The following LRRIQ3 variants were observed in gnomAD, a reference collection of about 807,000 sequenced individuals.
LRRIQ3 encodes the protein leucine rich repeats and IQ motif containing 3.
Under a neutral mutation model 59.3 loss-of-function variants are expected in LRRIQ3, and 75 were observed. The ratio of observed to expected loss-of-function variants is 1.26; its 90% confidence interval spans 1.05 to 1.53. The LOEUF (loss-of-function observed/expected upper bound fraction) is 1.53. Ranked by LOEUF, LRRIQ3 falls within the 40% of genes most tolerant of loss-of-function variation. The pLI is 0.00. For synonymous variants in LRRIQ3, 250 were observed against 231.3 expected, an observed-to-expected ratio of 1.08 and a Z score of -0.73; for missense variants, 831 against 710.0, an observed-to-expected ratio of 1.17 and a Z score of -1.94.
At chr1:74,128,868 G>A (rs1646972560) in intron 4 of LRRIQ3, among the ~76,000 whole-genome samples, 3 of 152,050 alleles carry the variant, frequency 2.0e-5, no homozygotes, top group African/African-American at 7.2e-5. Context: ...ATTCATACAG[G>A]TACTTCCACG....
intron 4 of LRRIQ3, chr1:74,144,250 G>A (rs879789329): frequency 6.0e-6 from 1 of 167,322 alleles, no homozygotes; most frequent in East Asian, 1.8e-4. Context: ...TTGACAAGGA[G>A]TCTTATTTGC....
intron 1 of LRRIQ3, among the ~76,000 whole-genome samples, chr1:74,188,546 A>AT (rs1484593148): frequency 6.6e-6 from 1 of 152,158 alleles, no homozygotes; most frequent in East Asian, 1.9e-4. Flanking sequence ...TTGTCTAGTC[A>AT]TTATTTAGAC....
intron 4 of LRRIQ3, among the ~76,000 whole-genome samples, chr1:74,147,240 T>C (rs535533146): frequency 6.6e-6 from 1 of 152,172 alleles, no homozygotes; most frequent in East Asian, 1.9e-4. Flanking sequence ...AAGAAAAGAA[T>C]TGCCTACGAA....
chr1:74,168,805 A>G (rs1649150729), intron 3 of LRRIQ3, among the ~76,000 whole-genome samples: 1 of 152,142 alleles, frequency 6.6e-6, no homozygotes, highest in Non-Finnish European at 1.5e-5. Flanking sequence ...ATAATTATGT[A>G]TGGACATATG....
In LRRIQ3 at chr1:74,176,591, A is replaced by C. The variant is rs184713019; in HGVS notation, c.573+5947T>G. ...TCGAGACTCTGATGACATGAAAGTT[A>C]TATCTTTTATTATAATTCCATGGAT... is the stretch of plus-strand genomic sequence containing the variant. On this transcript the variant is annotated intron_variant, in intron 3 of 7. Transcript: ENST00000354431. Among the ~76,000 whole-genome samples, 650 of 152,148 alleles carry C rather than the reference A, an allele frequency of 4.3e-3. 4 individuals are homozygous for C. Among genetic ancestry groups the C allele is most frequent in the Non-Finnish European group, 4.7e-3 (322 of 68,004 alleles).
At position 74,073,170 on chromosome 1, in the gene LRRIQ3, C is replaced by T. The variant is rs1481548179; in HGVS notation, c.997+1491G>A. 2.0e-5 allele frequency among the ~76,000 whole-genome samples: 3 copies of T among 152,056 alleles called. No homozygotes were observed. The East Asian group carries it at 5.8e-4, about 29-fold the overall frequency. ...CTGAATTTGCTTTTGTCAAGGCCAC[C>T]GTTGATATCTATGTTCCAGATTCAA... On this transcript the variant is annotated intron_variant, in intron 6 of 7. Coordinates refer to ENST00000354431, the MANE Select transcript of LRRIQ3 (RefSeq NM_001105659.2).
At chr1:74,068,956 A>G (rs1278358375) in intron 6 of LRRIQ3, among the ~76,000 whole-genome samples, 3 of 152,116 alleles carry the variant, frequency 2.0e-5, no homozygotes, top group African/African-American at 4.8e-5. Context: ...AGTGGAAACC[A>G]TAAAATCACC....
At chr1:74,062,918 A>T (rs1257284631) in intron 6 of LRRIQ3, among the ~76,000 whole-genome samples, 1 of 152,064 alleles carries the variant, frequency 6.6e-6, no homozygotes, top group African/African-American at 2.4e-5. Context: ...TAATCTGTAC[A>T]CCAAACCCAT....
intron 7 of LRRIQ3, among the ~76,000 whole-genome samples, chr1:74,031,290 C>T (rs1653702653): frequency 6.6e-6 from 1 of 152,130 alleles, no homozygotes; most frequent in South Asian, 2.1e-4. Context: ...ATAAATCATG[C>T]TGCTATAAAG....
intron 1 of LRRIQ3, among the ~76,000 whole-genome samples, chr1:74,186,358 T>A (rs1369759156): frequency 6.6e-6 from 1 of 152,078 alleles, no homozygotes; most frequent in African/African-American, 2.4e-5. Flanking sequence ...TATTCCAAAG[T>A]GGAGTTTTTT....
At chr1:74,188,018 T>C (rs992681230) in intron 1 of LRRIQ3, among the ~76,000 whole-genome samples, 1 of 152,092 alleles carries the variant, frequency 6.6e-6, no homozygotes, top group Non-Finnish European at 1.5e-5. Flanking sequence ...GGAATCAACC[T>C]AAATGCCCAT....
intron 7 of LRRIQ3, among the ~76,000 whole-genome samples, chr1:74,035,224 CCTAT>C (rs1653834435): frequency 6.6e-6 from 1 of 151,930 alleles, no homozygotes; most frequent in Admixed American, 6.6e-5. Context: ...TAGTTTTGCA[CCTAT>C]CTGTGAATTT....
chr1:74,092,839 G>A (rs1646409657), intron 5 of LRRIQ3, among the ~76,000 whole-genome samples: 1 of 152,108 alleles, frequency 6.6e-6, no homozygotes, highest in Admixed American at 6.6e-5. Context: ...GGACTTCAAA[G>A]TAGAAATAAG....
chr1:74,088,590 A>C (rs528949286), intron 5 of LRRIQ3, among the ~76,000 whole-genome samples: 1 of 152,148 alleles, frequency 6.6e-6, no homozygotes, highest in African/African-American at 2.4e-5. Context: ...TTTCTCAACA[A>C]ATGGTAGTGG....
At chr1:74,145,636 T>C (rs1366176546) in intron 4 of LRRIQ3, among the ~76,000 whole-genome samples, 1 of 152,104 alleles carries the variant, frequency 6.6e-6, no homozygotes, top group African/African-American at 2.4e-5. Flanking sequence ...ATCACAAGTA[T>C]ACTAGGCCTA....
intron 5 of LRRIQ3, among the ~76,000 whole-genome samples, chr1:74,077,157 C>G (rs1340147538): frequency 6.6e-6 from 1 of 151,920 alleles, no homozygotes; most frequent in East Asian, 1.9e-4. Context: ...ACTCTAAATA[C>G]TTTTTCAACC....
chr1:74,044,900 G>A (rs1034491606), intron 6 of LRRIQ3, among the ~76,000 whole-genome samples: 1 of 152,054 alleles, frequency 6.6e-6, no homozygotes, highest in Non-Finnish European at 1.5e-5. Flanking sequence ...ACTCTTCCAA[G>A]ACTAAACCAT....
At chr1:74,195,938 T>G (rs956350164) in intron 1 of LRRIQ3, among the ~76,000 whole-genome samples, 1 of 152,092 alleles carries the variant, frequency 6.6e-6, no homozygotes, top group Admixed American at 6.6e-5. Context: ...CCCTAAACTT[T>G]TTTTGCCTCC....
At chr1:74,037,669 C>A (rs1283035808) in intron 7 of LRRIQ3, among the ~76,000 whole-genome samples, 1 of 151,962 alleles carries the variant, frequency 6.6e-6, no homozygotes, top group Non-Finnish European at 1.5e-5. Context: ...ACAACAACAA[C>A]AACAAAAAAC....
Sources: allele counts gnomAD v4.1 joint callset (sites outside exome capture counted in the v4.1 genomes callset), GRCh38; gene constraint gnomAD v4.1.1; transcripts MANE v1.5; gene names NCBI Gene and HGNC (gene_info 2026-07-23, HGNC 2026-07-21).